IFT43: variants seen among roughly 807,000 people sequenced by gnomAD.
The protein encoded by IFT43 is intraflagellar transport protein 43 homolog.
In IFT43, 33 loss-of-function variants were observed where a neutral mutation model predicts 32.3. The observed-to-expected ratio is 1.02, with a 90% confidence interval of 0.77 to 1.37. IFT43 has a LOEUF of 1.37. Among genes scored for constraint, IFT43 ranks in the 40% most tolerant of loss-of-function variants. The probability of loss-of-function intolerance (pLI) is 0.00; values close to 1 mark genes in which losing one functional copy is unlikely to be tolerated. For synonymous variants in IFT43, 93 were observed against 98.2 expected (o/e 0.95, Z 0.31); for missense variants, 274 against 265.9 (o/e 1.03, Z -0.21).
At chr14:76,067,932 G>A (rs1372151796) in intron 5 of IFT43, among the ~76,000 whole-genome samples, 1 of 152,210 alleles carries the variant, frequency 6.6e-6, no homozygotes, top group Non-Finnish European at 1.5e-5. Flanking sequence ...GTATCTGCAA[G>A]TTGGATTAGA....
Position 76,007,536 on chromosome 14 carries a change from G to A in IFT43, c.148-14791G>A, listed in dbSNP as rs149483681. Among the ~76,000 whole-genome samples, 193 of 152,278 alleles carry A rather than the reference G, an allele frequency of 1.3e-3. 1 individual carries two copies. Among genetic ancestry groups the A allele is most frequent in the African/African-American group, 4.2e-3 (174 of 41,566 alleles). On this transcript the variant is annotated intron_variant, in intron 2 of 8. Transcript: ENST00000314067. The stretch of plus-strand genomic sequence containing the variant: ...AAGTCATTCCATCCTGGCTTTGGTT[G>A]AGGTAGCAAGGCTAGACTGTGCTTA...
At chr14:76,006,756 C>G (rs2035987291) in intron 2 of IFT43, among the ~76,000 whole-genome samples, 1 of 151,478 alleles carries the variant, frequency 6.6e-6, no homozygotes, top group Admixed American at 6.6e-5. Flanking sequence ...TCCACACAAA[C>G]AGAAATTTGC....
At chr14:76,010,280 C>T (rs895973316) in intron 2 of IFT43, among the ~76,000 whole-genome samples, 2 of 152,146 alleles carry the variant, frequency 1.3e-5, no homozygotes, top group Admixed American at 6.6e-5. Flanking sequence ...TTCTGGTCCC[C>T]AGCATATTAG....
At chr14:76,023,213 C>T (rs1029587428) in intron 3 of IFT43, among the ~76,000 whole-genome samples, 1 of 152,198 alleles carries the variant, frequency 6.6e-6, no homozygotes, top group Non-Finnish European at 1.5e-5. Context: ...CATTGATGAT[C>T]CCTACAGGGT....
chr14:76,055,563 C>G (rs577811207), intron 3 of IFT43, among the ~76,000 whole-genome samples: 1 of 152,030 alleles, frequency 6.6e-6, no homozygotes, highest in Non-Finnish European at 1.5e-5. Flanking sequence ...ATGGCTCACT[C>G]GTGGGTCATG....
chr14:76,059,701 A>G (rs1811425696), intron 5 of IFT43: 1 of 390,696 alleles, frequency 2.6e-6, no homozygotes, highest in African/African-American at 2.1e-5. Context: ...GCAAACCAAC[A>G]TTGTAATAAC....
At chr14:76,044,710 A>G (rs1186976567) in intron 3 of IFT43, among the ~76,000 whole-genome samples, 1 of 152,068 alleles carries the variant, frequency 6.6e-6, no homozygotes, top group Non-Finnish European at 1.5e-5. Context: ...AAGACATAAC[A>G]CATTGGAGAT....
At position 76,070,950 on chromosome 14, in the gene IFT43, T is replaced by G. The variant is rs994827503; in HGVS notation, c.296-11345T>G. Among the ~76,000 whole-genome samples, 9 of 152,176 alleles carry G rather than the reference T, an allele frequency of 5.9e-5. No homozygotes were observed. In the East Asian group the frequency reaches 1.7e-3, roughly 29 times the overall value. ...TCTTTACAAATTACAGTTTCAAGTA[T>G]TTTTTTTATAGCAATGCAAGAATGG... On this transcript the variant is annotated intron_variant, in intron 5 of 8. Transcript: ENST00000314067.
At chr14:76,009,155 A>C (rs921925632) in intron 2 of IFT43, among the ~76,000 whole-genome samples, 11 of 152,232 alleles carry the variant, frequency 7.2e-5, no homozygotes, top group African/African-American at 2.7e-4. Context: ...TCTAGCTGGC[A>C]TGCAACTTAG....
chr14:76,052,555 CTA>C (rs2036935220), intron 3 of IFT43, among the ~76,000 whole-genome samples: 1 of 152,204 alleles, frequency 6.6e-6, no homozygotes, highest in Non-Finnish European at 1.5e-5. Flanking sequence ...AGGAATAAAA[CTA>C]TGAGGATCCA....
chr14:76,001,900 G>A (rs1175724787), intron 2 of IFT43, among the ~76,000 whole-genome samples: 3 of 152,154 alleles, frequency 2.0e-5, no homozygotes, highest in Non-Finnish European at 2.9e-5. Context: ...AGTGATAATG[G>A]CATTAATCCA....
chr14:76,027,534 C>A (rs1255709590), intron 3 of IFT43, among the ~76,000 whole-genome samples: 1 of 151,892 alleles, frequency 6.6e-6, no homozygotes, highest in Non-Finnish European at 1.5e-5. Context: ...ACAGTGAAAC[C>A]CCGTCTCTAC....
At chr14:76,044,705 A>G (rs2036772667) in intron 3 of IFT43, among the ~76,000 whole-genome samples, 1 of 152,168 alleles carries the variant, frequency 6.6e-6, no homozygotes, top group South Asian at 2.1e-4. Context: ...ACAAAAAGAC[A>G]TAACACATTG....
chr14:76,034,927 G>A (rs1409493384), intron 3 of IFT43, among the ~76,000 whole-genome samples: 2 of 152,238 alleles, frequency 1.3e-5, no homozygotes, highest in East Asian at 3.8e-4. Flanking sequence ...ACTTCGCCAT[G>A]GGGAATAGAG....
At chr14:75,999,260 TATATATATATATGTATA>T (rs1566699477) in intron 2 of IFT43, among the ~76,000 whole-genome samples, 16 of 19,760 alleles carry the variant, frequency 8.1e-4, no homozygotes, top group African/African-American at 4.2e-3. Flanking sequence ...TATATATATA[TATATATATATATGTATA>T]TATATTTTTT....
intron 2 of IFT43, among the ~76,000 whole-genome samples, chr14:75,995,488 C>A (rs548961305): frequency 4.6e-5 from 7 of 152,236 alleles, no homozygotes; most frequent in Non-Finnish European, 8.8e-5. Flanking sequence ...AGCCAGATTC[C>A]CTCGCAGGAA....
intron 2 of IFT43, among the ~76,000 whole-genome samples, chr14:75,997,912 G>A (rs1594804210): frequency 6.6e-6 from 1 of 151,922 alleles, no homozygotes; most frequent in East Asian, 1.9e-4. Flanking sequence ...GTCATTTCAC[G>A]GTCAAACCCT....
In IFT43 at chr14:76,061,090, C is replaced by CA. The variant is rs1252801584; in HGVS notation, c.295+1718dup. ...CTAATTTGTGTATTTTTAGTAGAGA[C>CA]AGAGTTTTACCATGTTGGCCAGTTT... On this transcript the variant is annotated intron_variant, in intron 5 of 8. Coordinates refer to ENST00000314067, the MANE Select transcript of IFT43 (RefSeq NM_001102564.3). Among the ~76,000 whole-genome samples the CA allele has an allele frequency of 2.0e-5, 3 of 151,998 alleles. No individual in the cohort carries two copies. In the East Asian group the frequency reaches 5.8e-4, roughly 29 times the overall value.
intron 5 of IFT43, 65 bp from the exon 6 acceptor site, chr14:76,082,230 A>T: frequency 7.0e-7 from 1 of 1,421,138 alleles, no homozygotes; most frequent in Non-Finnish European, 1.0e-6. Flanking sequence ...ATGAGTAAGA[A>T]GTGGAGAAGC....
Sources: allele counts gnomAD v4.1 joint callset (sites outside exome capture counted in the v4.1 genomes callset), GRCh38; gene constraint gnomAD v4.1.1; transcripts MANE v1.5; gene names NCBI Gene and HGNC (gene_info 2026-07-23, HGNC 2026-07-21).